KCNE1: variants seen among roughly 807,000 people sequenced by gnomAD.
KCNE1 encodes potassium voltage-gated channel subfamily E member 1.
KCNE1 carries 1 observed loss-of-function variant against 2.9 expected under a neutral mutation model. The observed-to-expected ratio is 0.34, with a 90% CI of 0.12 to 1.62. The LOEUF (loss-of-function observed/expected upper bound fraction) is 1.62. KCNE1 is among the 40% of genes most tolerant of loss of function. The probability of loss-of-function intolerance (pLI) is 0.36; values close to 1 mark genes in which losing one functional copy is unlikely to be tolerated. For synonymous variants in KCNE1, 23 were observed against 65.4 expected, an observed-to-expected ratio of 0.35 and a Z score of 3.13; for missense variants, 45 against 150.5, an observed-to-expected ratio of 0.30 and a Z score of 3.67.
At chr21:34,502,404 C>T (rs754075958) in intron 2 of KCNE1, among the ~76,000 whole-genome samples, 1 of 152,142 alleles carries the variant, frequency 6.6e-6, no homozygotes, top group Non-Finnish European at 1.5e-5. Context: ...AATGACTTGC[C>T]TATTTGCCAA....
chr21:34,500,984 G>C (rs1156616203), intron 2 of KCNE1, among the ~76,000 whole-genome samples: 1 of 152,188 alleles, frequency 6.6e-6, no homozygotes, highest in Non-Finnish European at 1.5e-5. Context: ...GGATAAGGAA[G>C]GTAAGACCTT....
chr21:34,509,476 GAC>G (rs1983705102), intron 2 of KCNE1: 1 of 150,780 alleles, frequency 6.6e-6, no homozygotes, highest in South Asian at 2.1e-4. Context: ...TTGTTTTTGA[GAC>G]AGAGTCTCGC....
intron 2 of KCNE1, among the ~76,000 whole-genome samples, chr21:34,506,151 C>T (rs1983473846): frequency 6.6e-6 from 1 of 152,188 alleles, no homozygotes; most frequent in African/African-American, 2.4e-5. Context: ...GTGGCTATAG[C>T]CATATTGCAG....
intron 2 of KCNE1, among the ~76,000 whole-genome samples, chr21:34,497,825 G>T (rs1038224491): frequency 1.3e-5 from 2 of 151,880 alleles, no homozygotes; most frequent in Non-Finnish European, 2.9e-5. Context: ...CTTAGGTTTG[G>T]CAGTTTAACA....
chr21:34,507,072 G>A (rs1795436516), intron 2 of KCNE1, among the ~76,000 whole-genome samples: 1 of 152,226 alleles, frequency 6.6e-6, no homozygotes, highest in African/African-American at 2.4e-5. Context: ...TTAGGAGGCT[G>A]AGACTGGTCT....
chr21:34,500,287 C>T (rs982699000), intron 2 of KCNE1, among the ~76,000 whole-genome samples: 1 of 152,118 alleles, frequency 6.6e-6, no homozygotes, highest in Non-Finnish European at 1.5e-5. Flanking sequence ...ATAATAATAG[C>T]TTTGTTACAA....
chr21:34,501,701 C>T (rs1221678565), intron 2 of KCNE1, among the ~76,000 whole-genome samples: 1 of 152,070 alleles, frequency 6.6e-6, no homozygotes, highest in East Asian at 1.9e-4. Context: ...GGTTGATAGA[C>T]AAAACAAAGC....
intron 2 of KCNE1, among the ~76,000 whole-genome samples, chr21:34,508,767 C>T (rs1983658792): frequency 3.3e-5 from 5 of 152,218 alleles, no homozygotes; most frequent in Admixed American, 6.5e-5. Flanking sequence ...AAATGCAATA[C>T]AGCTAGAGTC....
chr21:34,500,991 C>A (rs1208771402), intron 2 of KCNE1, among the ~76,000 whole-genome samples: 1 of 152,170 alleles, frequency 6.6e-6, no homozygotes, highest in Non-Finnish European at 1.5e-5. Flanking sequence ...GAAGGTAAGA[C>A]CTTTGGGGAC....
intron 2 of KCNE1, among the ~76,000 whole-genome samples, chr21:34,504,767 T>C (rs1983382217): frequency 6.6e-6 from 1 of 152,202 alleles, no homozygotes. Context: ...GAACCTCAAG[T>C]ATGTTAGGCT....
chr21:34,503,063 C>T (rs935848017), intron 2 of KCNE1, among the ~76,000 whole-genome samples: 2 of 152,164 alleles, frequency 1.3e-5, no homozygotes, highest in Non-Finnish European at 2.9e-5. Flanking sequence ...GCTAACTACC[C>T]AAAGATGTCA....
chr21:34,510,015 T>C (rs1207432615), intron 2 of KCNE1: 1 of 152,230 alleles, frequency 6.6e-6, no homozygotes, highest in Non-Finnish European at 1.5e-5. Flanking sequence ...AAATCAATTT[T>C]TCCTATAAAG....
chr21:34,501,114 T>G (rs1451759711), intron 2 of KCNE1, among the ~76,000 whole-genome samples: 1 of 152,218 alleles, frequency 6.6e-6, no homozygotes, highest in Non-Finnish European at 1.5e-5. Flanking sequence ...ATGCCAGGTA[T>G]GAAGCTGCAC....
chr21:34,504,221 G>T (rs1368271574), intron 2 of KCNE1, among the ~76,000 whole-genome samples: 1 of 151,740 alleles, frequency 6.6e-6, no homozygotes, highest in Non-Finnish European at 1.5e-5. Context: ...AGAGGGTAGA[G>T]GTTGAGGAAG....
At chr21:34,496,342 G>C (rs547241082) in intron 2 of KCNE1, among the ~76,000 whole-genome samples, 3 of 152,108 alleles carry the variant, frequency 2.0e-5, no homozygotes, top group Non-Finnish European at 4.4e-5. Context: ...CAAAGTGCTG[G>C]GATTACAGGA....
intron 2 of KCNE1, among the ~76,000 whole-genome samples, chr21:34,507,215 G>A (rs1175783573): frequency 1.3e-5 from 2 of 152,158 alleles, no homozygotes; most frequent in African/African-American, 2.4e-5. Context: ...TTAAGAGAAT[G>A]GCTCTGGGGG....
intron 2 of KCNE1, chr21:34,509,794 T>C (rs991733361): frequency 6.6e-6 from 1 of 152,228 alleles, no homozygotes; most frequent in East Asian, 1.9e-4. Flanking sequence ...GGAGTACATG[T>C]GCAGGTTCAT....
At chr21:34,497,441 G>A (rs1601093972) in intron 2 of KCNE1, among the ~76,000 whole-genome samples, 1 of 152,100 alleles carries the variant, frequency 6.6e-6, no homozygotes, top group African/African-American at 2.4e-5. Context: ...CATTTATGAA[G>A]CTTAATTTTC....
chr21:34,497,609 T>C (rs1982892519), intron 2 of KCNE1, among the ~76,000 whole-genome samples: 1 of 152,212 alleles, frequency 6.6e-6, no homozygotes, highest in Non-Finnish European at 1.5e-5. Context: ...TCACAGCTCT[T>C]AAGAGTCTTT....
Sources: gnomAD v4.1 joint callset for allele counts (sites outside exome capture counted in the v4.1 genomes callset) on GRCh38, gnomAD v4.1.1 for gene constraint, MANE v1.5 for transcripts, NCBI Gene and HGNC (gene_info 2026-07-23, HGNC 2026-07-21) for gene names.